Variants in TSHZ2 observed in about 807,000 individuals in gnomAD.
TSHZ2 encodes teashirt zinc finger homeobox 2.
A neutral mutation model predicts 74.4 loss-of-function variants in TSHZ2; 21 were observed. The ratio of observed to expected loss-of-function variants is 0.28; its 90% confidence interval spans 0.20 to 0.41. The LOEUF is 0.41. Ranked by LOEUF, TSHZ2 falls within the 10% of genes least tolerant of loss-of-function variation. TSHZ2 has a pLI of 1.00. For missense variants in TSHZ2, 1,244 were observed against 1,293.5 expected (o/e 0.96, Z 0.59); for synonymous variants, 540 against 515.3 (o/e 1.05, Z -0.65).
chr20:53,165,839 C>T (rs1169595567), intron 1 of TSHZ2, among the ~76,000 whole-genome samples: 1 of 152,186 alleles, frequency 6.6e-6, no homozygotes, highest in East Asian at 1.9e-4. Flanking sequence ...CCATTTGGGT[C>T]CACATGCAGA....
intron 1 of TSHZ2, among the ~76,000 whole-genome samples, chr20:53,147,772 A>G (rs564936305): frequency 5.4e-4 from 82 of 152,274 alleles, no homozygotes; most frequent in Admixed American, 8.5e-4. Flanking sequence ...TCTGGTGTGC[A>G]GTGGTGCCAT....
At chr20:53,001,236 G>GTATA (rs1429970866) in intron 1 of TSHZ2, among the ~76,000 whole-genome samples, 2 of 108,256 alleles carry the variant, frequency 1.8e-5, no homozygotes, top group African/African-American at 6.1e-5. Context: ...GTGTGTGTGT[G>GTATA]TGTGTGTGTG....
intron 1 of TSHZ2, among the ~76,000 whole-genome samples, chr20:53,001,226 G>GTGTGTGTA (rs1555813612): frequency 6.8e-6 from 1 of 146,720 alleles, no homozygotes. Context: ...GTGTGTGTGT[G>GTGTGTGTA]TGTGTGTGTG....
intron 2 of TSHZ2, among the ~76,000 whole-genome samples, chr20:53,458,325 A>C (rs1985195384): frequency 6.6e-6 from 1 of 151,670 alleles, no homozygotes; most frequent in Non-Finnish European, 1.5e-5. Context: ...CATTTCTTCT[A>C]GATTTTCTAG....
rs529213127 is a variant in TSHZ2, at chr20:53,347,879, AG to A, written c.*8+91309del. On this transcript the variant is annotated intron_variant, in intron 2 of 2. Coordinates refer to ENST00000371497, the MANE Select transcript of TSHZ2 (RefSeq NM_173485.6). Reference sequence around the variant, plus strand: ...TAAAGTATGCAATTCAGTGGCTTTTAGTACATTGACAATGTGTGCACCTATG... The same window carrying A: ...TAAAGTATGCAATTCAGTGGCTTTTATACATTGACAATGTGTGCACCTATG... Among the ~76,000 whole-genome samples, 20 of 152,332 alleles carry A rather than the reference AG, an allele frequency of 1.3e-4. 2 individuals are homozygous for A. The South Asian group carries it at 3.7e-3, about 28-fold the overall frequency.
In TSHZ2 at chr20:53,318,265, AG is replaced by A. The variant is rs552118130; in HGVS notation, c.*8+61696del. On this transcript the variant is annotated intron_variant, in intron 2 of 2. Transcript: ENST00000371497. ...AGATCCTTCTGGTAGGAGAGGGCAA[AG>A]GATGGGTTTTCCCAACCCCTTTCTG... Among the ~76,000 whole-genome samples the A allele has an allele frequency of 3.8e-3, 580 of 152,296 alleles. 3 individuals are homozygous for A. The highest frequency in any genetic ancestry group is 0.013 in the African/African-American group (538 of 41,566).
intron 2 of TSHZ2, among the ~76,000 whole-genome samples, chr20:53,471,261 C>A (rs1985790903): frequency 6.6e-6 from 1 of 152,004 alleles, no homozygotes; most frequent in South Asian, 2.1e-4. Flanking sequence ...CTTTAAAACC[C>A]TTCATGGTTT....
intron 1 of TSHZ2, among the ~76,000 whole-genome samples, chr20:53,001,230 G>GTGTGTATGTGTGTGTGTGTGTGTGTA (rs755040371): frequency 0.14 from 17,940 of 125,646 alleles, 1,448 homozygotes; most frequent in Non-Finnish European, 0.21. Flanking sequence ...GTGTGTGTGT[G>GTGTGTATGTGTGTGTGTGTGTGTGTA]TGTGTGTGTG....
chr20:53,280,817 C>T (rs1376950979), intron 2 of TSHZ2, among the ~76,000 whole-genome samples: 11 of 151,984 alleles, frequency 7.2e-5, no homozygotes, highest in East Asian at 3.9e-4. Context: ...CTCAACCTCC[C>T]GAGTAGCTGG....
intron 2 of TSHZ2, among the ~76,000 whole-genome samples, chr20:53,302,212 G>A (rs1978340360): frequency 6.6e-6 from 1 of 152,266 alleles, no homozygotes; most frequent in African/African-American, 2.4e-5. Flanking sequence ...CAACATCGGG[G>A]TTCAGAAGGA....
rs573534026 is a variant in TSHZ2 at position 53,254,922 on chromosome 20, A to G, written c.1464A>G (p.Leu488=). 26 of 1,613,902 alleles carry G rather than the reference A, an allele frequency of 1.6e-5. No homozygotes were observed. The highest frequency in any genetic ancestry group is 1.7e-4 in the Middle Eastern group (1 of 6,058). The change falls in exon 2 of 3, where the codon CTA becomes CTG. Residue 488 remains leucine, a synonymous_variant. Transcript: ENST00000371497. The stretch of plus-strand genomic sequence containing the variant: ...AAAGCGAGGACTATGAAGATCCTCT[A>G]CAAAAACCTTTAGACCCTACAATCA... ...VVKSEDYEDP[L]QKPLDPTIKY... is the part of the protein sequence containing the mutation.
intron 1 of TSHZ2, among the ~76,000 whole-genome samples, chr20:53,182,147 C>A (rs947007034): frequency 2.7e-5 from 4 of 148,544 alleles, no homozygotes; most frequent in African/African-American, 9.9e-5. Context: ...TTCTCTCCCT[C>A]CCTCCCTCTC....
At chr20:53,368,540 A>C (rs977131042) in intron 2 of TSHZ2, among the ~76,000 whole-genome samples, 6 of 152,018 alleles carry the variant, frequency 3.9e-5, no homozygotes, top group African/African-American at 1.2e-4. Flanking sequence ...TGAACTCCTG[A>C]CCTCAAGTGA....
intron 1 of TSHZ2, among the ~76,000 whole-genome samples, chr20:53,034,124 G>A (rs1450511487): frequency 6.6e-6 from 1 of 152,130 alleles, no homozygotes; most frequent in African/African-American, 2.4e-5. Flanking sequence ...ATAATACACT[G>A]TTTACTAGTA....
At chr20:53,417,159 G>C (rs1983284235) in intron 2 of TSHZ2, among the ~76,000 whole-genome samples, 4 of 151,792 alleles carry the variant, frequency 2.6e-5, no homozygotes, top group Admixed American at 2.6e-4. Flanking sequence ...CATGACTCTA[G>C]AGAGAGAAAC....
In TSHZ2 at chr20:53,120,711, A is replaced by C. The variant is rs867258572; in HGVS notation, c.41-132788A>C. 7.3e-4 allele frequency among the ~76,000 whole-genome samples: 111 copies of C among 152,206 alleles called. 1 individual carries two copies. Among genetic ancestry groups the C allele is most frequent in the African/African-American group, 2.4e-3 (99 of 41,446 alleles). On this transcript the variant is annotated intron_variant, in intron 1 of 2. Coordinates refer to ENST00000371497, the MANE Select transcript of TSHZ2 (RefSeq NM_173485.6). ...CTTAAACTCTTACCTCTTATAAAAA[A>C]ATCCAAAGACAGGACCCCTGGTGAT...
intron 1 of TSHZ2, among the ~76,000 whole-genome samples, chr20:53,142,491 G>C (rs1987427066): frequency 6.6e-6 from 1 of 152,238 alleles, no homozygotes. Flanking sequence ...TTAGGTCTGA[G>C]TCACGTGATG....
At chr20:53,381,352 C>A (rs1412507371) in intron 2 of TSHZ2, among the ~76,000 whole-genome samples, 2 of 152,134 alleles carry the variant, frequency 1.3e-5, no homozygotes, top group African/African-American at 4.8e-5. Flanking sequence ...AAATGTCTAC[C>A]ACTGCCTCTA....
chr20:53,011,001 A>G (rs1239774977), intron 1 of TSHZ2, among the ~76,000 whole-genome samples: 1 of 152,180 alleles, frequency 6.6e-6, no homozygotes. Context: ...AAATCTGGCC[A>G]TTTAAACAGA....
Sources: allele counts gnomAD v4.1 joint callset (sites outside exome capture counted in the v4.1 genomes callset), GRCh38; gene constraint gnomAD v4.1.1; transcripts MANE v1.5; gene names NCBI Gene and HGNC (gene_info 2026-07-23, HGNC 2026-07-21).